The following GALNT1 variants were observed in gnomAD, a reference collection of about 807,000 sequenced individuals.
The protein encoded by GALNT1 is GalNAc transferase 1.
A neutral mutation model predicts 65.7 loss-of-function variants in GALNT1; 17 were observed. The observed-to-expected ratio is 0.26, with a 90% confidence interval of 0.18 to 0.39. GALNT1 has a LOEUF of 0.39. Ranked by LOEUF, GALNT1 falls within the 10% of genes least tolerant of loss-of-function variation. The pLI is 1.00. For missense variants in GALNT1, 460 were observed against 672.8 expected, an observed-to-expected ratio of 0.68 and a Z score of 3.50; for synonymous variants, 210 against 219.7, an observed-to-expected ratio of 0.96 and a Z score of 0.39.
At chr18:35,608,328 T>C (rs1032281871) in intron 1 of GALNT1, among the ~76,000 whole-genome samples, 9 of 152,178 alleles carry the variant, frequency 5.9e-5, no homozygotes, top group Non-Finnish European at 8.8e-5. Flanking sequence ...AAATTTAATG[T>C]TTTTTAAGAT....
intron 3 of GALNT1, among the ~76,000 whole-genome samples, chr18:35,670,541 A>G (rs549842588): frequency 7.9e-5 from 12 of 152,240 alleles, no homozygotes; most frequent in African/African-American, 2.4e-4. Context: ...ATGGGGTCAG[A>G]CTCCTTAATA....
At chr18:35,590,609 T>C (rs2046431945) in intron 1 of GALNT1, among the ~76,000 whole-genome samples, 1 of 151,378 alleles carries the variant, frequency 6.6e-6, no homozygotes, top group African/African-American at 2.4e-5. Flanking sequence ...TACTAAGTTA[T>C]TGGATTGTCC....
chr18:35,682,377 T>G (rs962064900), intron 4 of GALNT1, among the ~76,000 whole-genome samples: 4 of 151,904 alleles, frequency 2.6e-5, no homozygotes, highest in African/African-American at 9.7e-5. Flanking sequence ...GGATCTCTAC[T>G]TTTAGTATTT....
chr18:35,591,164 C>T (rs1345347864), intron 1 of GALNT1, among the ~76,000 whole-genome samples: 1 of 152,132 alleles, frequency 6.6e-6, no homozygotes, highest in African/African-American at 2.4e-5. Flanking sequence ...ACCTCTGGGG[C>T]ATTTCATTGC....
chr18:35,582,643 A>C (rs767082790), intron 1 of GALNT1, among the ~76,000 whole-genome samples: 4 of 152,200 alleles, frequency 2.6e-5, no homozygotes, highest in Non-Finnish European at 5.9e-5. Flanking sequence ...CTGTTTCTGG[A>C]GGGCAGAGAA....
chr18:35,636,471 A>C (rs568765766), intron 1 of GALNT1, among the ~76,000 whole-genome samples: 3 of 152,362 alleles, frequency 2.0e-5, no homozygotes, highest in South Asian at 4.1e-4. Flanking sequence ...AAAACCTTGT[A>C]TCATATGCTG....
intron 9 of GALNT1, among the ~76,000 whole-genome samples, chr18:35,694,415 CAG>C (rs1374122960): frequency 2.0e-5 from 3 of 152,090 alleles, no homozygotes; most frequent in Non-Finnish European, 4.4e-5. Flanking sequence ...ATCAAAAAAA[CAG>C]AGAATGACAC....
chr18:35,708,511 G>A (rs1350994713), intron 11 of GALNT1, among the ~76,000 whole-genome samples: 1 of 152,176 alleles, frequency 6.6e-6, no homozygotes, highest in African/African-American at 2.4e-5. Flanking sequence ...AAATGTTTCA[G>A]ATAAAAGAAC....
chr18:35,639,304 C>T (rs1438469416), intron 1 of GALNT1, among the ~76,000 whole-genome samples: 1 of 152,164 alleles, frequency 6.6e-6, no homozygotes, highest in Non-Finnish European at 1.5e-5. Context: ...AACACTAAGG[C>T]AAGACCCTCC....
intron 1 of GALNT1, among the ~76,000 whole-genome samples, chr18:35,625,802 A>G (rs613001): frequency 0.65 from 99,361 of 151,996 alleles, 33,454 homozygotes; most frequent in African/African-American, 0.8. Flanking sequence ...AGAAAGATGC[A>G]TATTTTGCTG....
chr18:35,586,269 C>A (rs1011391990), intron 1 of GALNT1, among the ~76,000 whole-genome samples: 2 of 152,102 alleles, frequency 1.3e-5, no homozygotes, highest in Non-Finnish European at 2.9e-5. Context: ...ATCTTTTGTT[C>A]ATTTTCTAAT....
Position 35,655,826 on chromosome 18 carries a change from C to G in GALNT1, c.139+1025C>G, listed in dbSNP as rs537069053. On this transcript the variant is annotated intron_variant, in intron 2 of 11. Coordinates refer to ENST00000269195, the MANE Select transcript of GALNT1 (RefSeq NM_020474.4). ...TATATGTGGGCTTACATAACTGGTTCTATTTATATCTTCTTGGGAAATCTG... is the reference window on the plus strand; with the variant it reads ...TATATGTGGGCTTACATAACTGGTTGTATTTATATCTTCTTGGGAAATCTG... Among the ~76,000 whole-genome samples, 6 of 152,244 alleles carry G rather than the reference C, an allele frequency of 3.9e-5. No individual in the cohort carries two copies. In the South Asian group the frequency reaches 1.2e-3, roughly 32 times the overall value.
At position 35,691,198 on chromosome 18, in the gene GALNT1, C is replaced by CGTCAAGA. The variant is rs755520188; in HGVS notation, c.1159+8_1159+9insCAAGAGT. The CGTCAAGA allele has an allele frequency of 6.3e-7, 1 of 1,590,686 alleles. No individual in the cohort carries two copies. Among genetic ancestry groups the CGTCAAGA allele is most frequent in the South Asian group, 1.2e-5 (1 of 86,742 alleles). ...CTTCTATATAATTTCTCCAGGTTAG[C>CGTCAAGA]GTTGTTTTGCATTAGAAATACAAGG... On this transcript the variant is annotated splice_region_variant and intron_variant, in intron 8 of 11. Transcript: ENST00000269195.
chr18:35,673,886 A>G (rs561528268), intron 3 of GALNT1, among the ~76,000 whole-genome samples: 2 of 152,328 alleles, frequency 1.3e-5, no homozygotes, highest in African/African-American at 4.8e-5. Flanking sequence ...CAATTTTGTC[A>G]TTGTGTAAAC....
chr18:35,668,295 G>A (rs73418877), intron 3 of GALNT1, among the ~76,000 whole-genome samples: 3,783 of 152,136 alleles, frequency 0.025, 162 homozygotes, highest in African/African-American at 0.088. Flanking sequence ...GACTAATCAA[G>A]AAAATAAGAG....
At chr18:35,672,998 C>T (rs940010308) in intron 3 of GALNT1, among the ~76,000 whole-genome samples, 2 of 152,120 alleles carry the variant, frequency 1.3e-5, no homozygotes, top group Non-Finnish European at 2.9e-5. Flanking sequence ...ACCTAGGTCT[C>T]AGGGACAAAA....
chr18:35,602,420 A>G (rs2046593387), intron 1 of GALNT1, among the ~76,000 whole-genome samples: 1 of 151,936 alleles, frequency 6.6e-6, no homozygotes, highest in South Asian at 2.1e-4. Context: ...AGGTTTGGAA[A>G]ATTTTCTGTT....
chr18:35,602,586 T>A (rs1488443696), intron 1 of GALNT1, among the ~76,000 whole-genome samples: 1 of 152,218 alleles, frequency 6.6e-6, no homozygotes, highest in African/African-American at 2.4e-5. Context: ...TATTTTCCAA[T>A]ATCCTGTCTT....
At chr18:35,614,337 G>C (rs934170714) in intron 1 of GALNT1, among the ~76,000 whole-genome samples, 53 of 151,922 alleles carry the variant, frequency 3.5e-4, no homozygotes, top group African/African-American at 1.2e-3. Flanking sequence ...GCAGTTTAAA[G>C]TTAAAAAAAC....
Sources: gnomAD v4.1 joint callset for allele counts (sites outside exome capture counted in the v4.1 genomes callset) on GRCh38, gnomAD v4.1.1 for gene constraint, MANE v1.5 for transcripts, NCBI Gene and HGNC (gene_info 2026-07-23, HGNC 2026-07-21) for gene names.